The following STOX1 variants were observed in gnomAD, a reference collection of about 807,000 sequenced individuals.
STOX1 encodes the protein storkhead box 1.
Under a neutral mutation model 74.8 loss-of-function variants are expected in STOX1, and 57 were observed. The ratio of observed to expected loss-of-function variants is 0.76; its 90% CI spans 0.62 to 0.95. The LOEUF is 0.95. Among genes scored for constraint, STOX1 ranks in the 40% least tolerant of loss-of-function variants. STOX1 has a pLI of 0.00. For missense variants in STOX1, 1,010 were observed against 1,117.0 expected, an observed-to-expected ratio of 0.90 and a Z score of 1.37; for synonymous variants, 375 against 401.3, an observed-to-expected ratio of 0.93 and a Z score of 0.78.
chr10:68,873,213 G>A (rs543629343), intron 1 of STOX1, among the ~76,000 whole-genome samples: 3 of 150,946 alleles, frequency 2.0e-5, no homozygotes, highest in African/African-American at 7.3e-5. Context: ...CTTCTGAGAC[G>A]GAGCAGGGAC....
At chr10:68,892,055 A>G (rs1376683880) in intron 3 of STOX1, among the ~76,000 whole-genome samples, 1 of 152,006 alleles carries the variant, frequency 6.6e-6, no homozygotes, top group Non-Finnish European at 1.5e-5. Context: ...TCCTGGCCTC[A>G]AGTGATCTGC....
downstream of STOX1, chr10:68,893,161 G>A (rs192277604): frequency 1.3e-3 from 240 of 183,212 alleles, 1 homozygote; most frequent in African/African-American, 5.4e-3. Context: ...AGTGTGTGTT[G>A]AAGCAGTGTC....
At chr10:68,872,058 G>A (rs953900631) in intron 1 of STOX1, among the ~76,000 whole-genome samples, 2 of 152,028 alleles carry the variant, frequency 1.3e-5, no homozygotes, top group Non-Finnish European at 2.9e-5. Flanking sequence ...TTTGCACGCT[G>A]TTGTCATCCC....
chr10:68,877,682 C>T (rs1474858151), intron 1 of STOX1, among the ~76,000 whole-genome samples: 1 of 152,242 alleles, frequency 6.6e-6, no homozygotes, highest in Non-Finnish European at 1.5e-5. Context: ...CAGCCACCTG[C>T]AGGCGGACAC....
At chr10:68,893,996 C>G (rs1841149414), downstream of STOX1, among the ~76,000 whole-genome samples, 1 of 151,848 alleles carries the variant, frequency 6.6e-6, no homozygotes, top group Admixed American at 6.6e-5. Context: ...ATGGAGCAAT[C>G]AAGACTGGTT....
At chr10:68,869,347 G>A (rs535356107) in intron 1 of STOX1, among the ~76,000 whole-genome samples, 7 of 152,308 alleles carry the variant, frequency 4.6e-5, no homozygotes, top group South Asian at 4.1e-4. Context: ...TTGAGGGACT[G>A]TGCTGTTATA....
chr10:68,881,309 C>T (rs1355510187), intron 1 of STOX1, among the ~76,000 whole-genome samples: 2 of 152,166 alleles, frequency 1.3e-5, no homozygotes, highest in Non-Finnish European at 2.9e-5. Flanking sequence ...TGTATTAAGC[C>T]TTAAGTTCTA....
chr10:68,865,736 C>T (rs1490201267), intron 1 of STOX1, among the ~76,000 whole-genome samples: 1 of 152,180 alleles, frequency 6.6e-6, no homozygotes, highest in African/African-American at 2.4e-5. Context: ...GGTTGTATAA[C>T]TGAATTAATG....
intron 1 of STOX1, among the ~76,000 whole-genome samples, chr10:68,836,834 C>T (rs954370471): frequency 1.3e-5 from 2 of 152,198 alleles, no homozygotes; most frequent in Non-Finnish European, 2.9e-5. Flanking sequence ...CAGGAGGCCT[C>T]GGGAAGAACA....
At chr10:68,867,797 T>C (rs1490029936) in intron 1 of STOX1, among the ~76,000 whole-genome samples, 1 of 152,248 alleles carries the variant, frequency 6.6e-6, no homozygotes, top group East Asian at 1.9e-4. Context: ...TTGAGTGCAC[T>C]GCCTACCTTC....
chr10:68,832,247 C>T (rs115331226), intron 1 of STOX1, among the ~76,000 whole-genome samples: 90 of 152,172 alleles, frequency 5.9e-4, no homozygotes, highest in African/African-American at 2.0e-3. Flanking sequence ...ATACACCTAA[C>T]GGGACAGGAA....
intron 1 of STOX1, among the ~76,000 whole-genome samples, chr10:68,832,357 C>G (rs1839433414): frequency 6.6e-6 from 1 of 152,198 alleles, no homozygotes; most frequent in South Asian, 2.1e-4. Flanking sequence ...CCAGCAGGGC[C>G]TTTCATCTTT....
intron 1 of STOX1, among the ~76,000 whole-genome samples, chr10:68,879,745 G>C (rs1348431299): frequency 6.6e-6 from 1 of 152,164 alleles, no homozygotes; most frequent in Non-Finnish European, 1.5e-5. Context: ...TAGCCATCGA[G>C]AGGACATTTG....
intron 1 of STOX1, among the ~76,000 whole-genome samples, chr10:68,837,574 A>G (rs1211845469): frequency 6.6e-6 from 1 of 152,252 alleles, no homozygotes; most frequent in Non-Finnish European, 1.5e-5. Flanking sequence ...TGAAGTATGC[A>G]TTATCTTTCA....
chr10:68,830,579 G>GT (rs1238047899), intron 1 of STOX1, among the ~76,000 whole-genome samples: 4 of 152,064 alleles, frequency 2.6e-5, no homozygotes, highest in Admixed American at 6.6e-5. Flanking sequence ...CTGACCTCAA[G>GT]TGAACTGCCT....
chr10:68,842,275 T>A (rs1022904160), intron 1 of STOX1, among the ~76,000 whole-genome samples: 1 of 152,128 alleles, frequency 6.6e-6, no homozygotes, highest in Non-Finnish European at 1.5e-5. Context: ...TCAGAGGGCT[T>A]TCAGAGGCCA....
chr10:68,828,621 T>G (rs1839327480), intron 1 of STOX1, among the ~76,000 whole-genome samples: 1 of 152,184 alleles, frequency 6.6e-6, no homozygotes, highest in African/African-American at 2.4e-5. Context: ...GGCCACTGTC[T>G]AGGCTCCACC....
intron 1 of STOX1, among the ~76,000 whole-genome samples, chr10:68,871,035 T>A (rs1372729054): frequency 6.6e-6 from 1 of 152,200 alleles, no homozygotes; most frequent in Non-Finnish European, 1.5e-5. Flanking sequence ...CTAACACGAC[T>A]GAATAAAGTC....
At chr10:68,832,788 G>C (rs1462144859) in intron 1 of STOX1, among the ~76,000 whole-genome samples, 1 of 152,058 alleles carries the variant, frequency 6.6e-6, no homozygotes, top group Non-Finnish European at 1.5e-5. Context: ...TTTTGAGACA[G>C]AGTCTTGCTC....
Sources: allele counts gnomAD v4.1 joint callset (sites outside exome capture counted in the v4.1 genomes callset), GRCh38; gene constraint gnomAD v4.1.1; transcripts MANE v1.5; gene names NCBI Gene and HGNC (gene_info 2026-07-23, HGNC 2026-07-21).